The following TRPC6 variants were observed in gnomAD, a reference collection of about 807,000 sequenced individuals.
The protein encoded by TRPC6 is transient receptor potential cation channel subfamily C member 6, also known as short transient receptor potential channel 6.
A neutral mutation model predicts 90.7 loss-of-function variants in TRPC6; 55 were observed. The observed-to-expected ratio is 0.61, with a 90% CI of 0.49 to 0.76. The LOEUF is 0.76. Among genes scored for constraint, TRPC6 ranks in the 30% least tolerant of loss-of-function variants. The probability of loss-of-function intolerance (pLI) is 0.00; values close to 1 mark genes in which losing one functional copy is unlikely to be tolerated. For synonymous variants in TRPC6, 393 were observed against 393.0 expected (o/e 1.00, Z 0.00); for missense variants, 989 against 1,122.7 (o/e 0.88, Z 1.70).
chr11:101,572,204 G>A lies in TRPC6; in HGVS notation c.170+11130C>T, dbSNP rs373715769. On this transcript the variant is annotated intron_variant, in intron 1 of 12. Transcript: ENST00000344327. Reference sequence around the variant, plus strand: ...AAACAAACAACCCCATCAAAAAGTGGGCAAAGGATATGAACAGACACTTCT... The same window carrying A: ...AAACAAACAACCCCATCAAAAAGTGAGCAAAGGATATGAACAGACACTTCT... Among the ~76,000 whole-genome samples, 11 of 152,098 alleles carry A rather than the reference G, an allele frequency of 7.2e-5. No individual in the cohort carries two copies. The South Asian group carries it at 1.2e-3, about 17-fold the overall frequency.
chr11:101,568,027 C>T (rs9988861), intron 1 of TRPC6, among the ~76,000 whole-genome samples: 105,368 of 152,028 alleles, frequency 0.69, 37,183 homozygotes, highest in East Asian at 0.99. Flanking sequence ...GTTTGACGAA[C>T]TGACAGAAAT....
At chr11:101,558,785 G>C (rs1043224435) in intron 1 of TRPC6, among the ~76,000 whole-genome samples, 1 of 152,044 alleles carries the variant, frequency 6.6e-6, no homozygotes, top group Admixed American at 6.6e-5. Flanking sequence ...TAGTCTCTTC[G>C]ATAAATGGTG....
chr11:101,554,329 A>T (rs1438698072), intron 1 of TRPC6, among the ~76,000 whole-genome samples: 1 of 152,158 alleles, frequency 6.6e-6, no homozygotes, highest in Non-Finnish European at 1.5e-5. Flanking sequence ...TTAGATTTGC[A>T]TATAAACTTT....
At position 101,467,280 on chromosome 11, in the gene TRPC6, T is replaced by C. The variant is rs1859171826; in HGVS notation, c.2484+2147A>G. On this transcript the variant is annotated intron_variant, in intron 10 of 12. Transcript: ENST00000344327. ...CCTTCTTTATTTTTTGCATTCTTTT[T>C]ATAGGGCTTTTAGGCCTAGTATTAT... is the stretch of plus-strand genomic sequence containing the variant. 2.0e-5 allele frequency among the ~76,000 whole-genome samples: 3 copies of C among 152,212 alleles called. No homozygotes were observed. In the South Asian group the frequency reaches 6.2e-4, roughly 31 times the overall value.
intron 1 of TRPC6, among the ~76,000 whole-genome samples, chr11:101,522,055 G>A (rs2136779787): frequency 6.6e-6 from 1 of 152,286 alleles, no homozygotes; most frequent in East Asian, 1.9e-4. Context: ...GTTAAGACTT[G>A]GGGGACTATT....
chr11:101,465,599 T>A (rs922654692), intron 10 of TRPC6, among the ~76,000 whole-genome samples: 1 of 152,240 alleles, frequency 6.6e-6, no homozygotes, highest in African/African-American at 2.4e-5. Flanking sequence ...TACTTGTGTA[T>A]GCTTCACAAA....
intron 4 of TRPC6, among the ~76,000 whole-genome samples, chr11:101,487,478 T>TTTCTTTCTTGG (rs1859702671): frequency 1.3e-5 from 2 of 152,072 alleles, no homozygotes; most frequent in Admixed American, 6.6e-5. Context: ...GTCACTCAAA[T>TTTCTTTCTTGG]AATATGCACT....
intron 1 of TRPC6, among the ~76,000 whole-genome samples, chr11:101,536,975 G>A (rs1349267828): frequency 6.6e-6 from 1 of 152,166 alleles, no homozygotes; most frequent in Non-Finnish European, 1.5e-5. Flanking sequence ...TCTTGGAAAG[G>A]TAGAATTGAT....
intron 1 of TRPC6, among the ~76,000 whole-genome samples, chr11:101,514,221 C>T (rs1454777869): frequency 1.3e-5 from 2 of 152,018 alleles, no homozygotes; most frequent in Non-Finnish European, 2.9e-5. Context: ...TCAACATGTT[C>T]TAGGCACTGT....
intron 2 of TRPC6, among the ~76,000 whole-genome samples, chr11:101,500,872 G>C (rs1490260694): frequency 6.6e-6 from 1 of 152,082 alleles, no homozygotes; most frequent in African/African-American, 2.4e-5. Context: ...TTGATGGTGG[G>C]CATGAAATCA....
intron 1 of TRPC6, among the ~76,000 whole-genome samples, chr11:101,512,935 A>G (rs1016657532): frequency 6.6e-6 from 1 of 151,794 alleles, no homozygotes; most frequent in African/African-American, 2.4e-5. Flanking sequence ...CACTTCAATT[A>G]TAAGACAATC....
intron 1 of TRPC6, among the ~76,000 whole-genome samples, chr11:101,562,273 G>A (rs1861730859): frequency 6.6e-6 from 1 of 152,038 alleles, no homozygotes; most frequent in Non-Finnish European, 1.5e-5. Context: ...AAGAAACTAG[G>A]GGAAATAACT....
intron 1 of TRPC6, among the ~76,000 whole-genome samples, chr11:101,543,075 C>T (rs1861214138): frequency 6.6e-6 from 1 of 152,002 alleles, no homozygotes; most frequent in Non-Finnish European, 1.5e-5. Context: ...ATTCTTACAA[C>T]TCAATTAAGA....
intron 5 of TRPC6, among the ~76,000 whole-genome samples, chr11:101,481,840 G>A (rs1363743123): frequency 1.3e-5 from 2 of 152,082 alleles, no homozygotes; most frequent in Admixed American, 1.3e-4. Context: ...GCATCTTCTA[G>A]CCATTTCTCC....
chr11:101,542,556 T>C (rs972963041), intron 1 of TRPC6, among the ~76,000 whole-genome samples: 4 of 151,734 alleles, frequency 2.6e-5, no homozygotes, highest in African/African-American at 9.7e-5. Flanking sequence ...TTACCCAGAA[T>C]GAGTAATTAA....
chr11:101,457,173 G>A (rs570430815), intron 10 of TRPC6, among the ~76,000 whole-genome samples: 2 of 152,148 alleles, frequency 1.3e-5, no homozygotes, highest in South Asian at 2.1e-4. Context: ...TGTCATAGAG[G>A]TTGGAAGTGG....
At chr11:101,465,571 G>T (rs940728354) in intron 10 of TRPC6, among the ~76,000 whole-genome samples, 1 of 151,916 alleles carries the variant, frequency 6.6e-6, no homozygotes, top group Non-Finnish European at 1.5e-5. Flanking sequence ...TCTTTGGCTT[G>T]TTCGATTTAT....
chr11:101,516,323 G>GT (rs1860521612), intron 1 of TRPC6, among the ~76,000 whole-genome samples: 1 of 151,810 alleles, frequency 6.6e-6, no homozygotes, highest in South Asian at 2.1e-4. Flanking sequence ...TTATTGTGAC[G>GT]CACACATGCT....
At chr11:101,547,726 C>T (rs1861341006) in intron 1 of TRPC6, among the ~76,000 whole-genome samples, 1 of 152,144 alleles carries the variant, frequency 6.6e-6, no homozygotes, top group Non-Finnish European at 1.5e-5. Flanking sequence ...TCCTAGAAAA[C>T]TGCCTGAAGG....
Sources: allele counts gnomAD v4.1 joint callset (sites outside exome capture counted in the v4.1 genomes callset), GRCh38; gene constraint gnomAD v4.1.1; transcripts MANE v1.5; gene names NCBI Gene and HGNC (gene_info 2026-07-23, HGNC 2026-07-21).